CCDC178: variants seen among roughly 807,000 people sequenced by gnomAD.
CCDC178 encodes coiled-coil domain containing 178.
Under a neutral mutation model 117.4 loss-of-function variants are expected in CCDC178, and 126 were observed. The ratio of observed to expected loss-of-function variants is 1.07; its 90% CI spans 0.93 to 1.24. The LOEUF (loss-of-function observed/expected upper bound fraction) is 1.24, where lower values mean the gene tolerates loss of function less well. Ranked by LOEUF, CCDC178 falls within the 50% of genes most tolerant of loss-of-function variation. CCDC178 has a pLI of 0.00. For missense variants in CCDC178, 1,030 were observed against 986.9 expected, an observed-to-expected ratio of 1.04 and a Z score of -0.59; for synonymous variants, 283 against 313.4, an observed-to-expected ratio of 0.90 and a Z score of 1.02.
At chr18:33,349,528 TTAAAA>T (rs1208847804) in intron 7 of CCDC178, among the ~76,000 whole-genome samples, 15 of 152,068 alleles carry the variant, frequency 9.9e-5, no homozygotes, top group African/African-American at 3.6e-4. Context: ...TGACTATAAA[TTAAAA>T]TGTTATTTCC....
intron 20 of CCDC178, among the ~76,000 whole-genome samples, chr18:33,117,290 G>A (rs2057871069): frequency 6.6e-6 from 1 of 152,080 alleles, no homozygotes; most frequent in Non-Finnish European, 1.5e-5. Flanking sequence ...GCCTGGCATT[G>A]TCCAATGAGC....
chr18:33,109,588 A>C (rs539132523), intron 20 of CCDC178, among the ~76,000 whole-genome samples: 160 of 151,698 alleles, frequency 1.1e-3, no homozygotes, highest in African/African-American at 3.8e-3. Context: ...TAGCATCTAC[A>C]TGAAAATATA....
rs138554051 is a variant in CCDC178, at chr18:32,987,045, A to G, written c.2389-12364T>C. ...GAGAAAAAATAGAATAAGAAAAAAT[A>G]AACAAAAGTCTTCAATCAACTAAAA... On this transcript the variant is annotated intron_variant, in intron 21 of 22. Transcript: ENST00000383096. Among the ~76,000 whole-genome samples, 206 of 152,040 alleles carry G rather than the reference A, an allele frequency of 1.4e-3. 1 individual carries two copies. The highest frequency in any genetic ancestry group is 4.7e-3 in the African/African-American group (197 of 41,564).
At chr18:32,988,461 TA>T (rs1413867539) in intron 21 of CCDC178, among the ~76,000 whole-genome samples, 1 of 152,024 alleles carries the variant, frequency 6.6e-6, no homozygotes, top group Non-Finnish European at 1.5e-5. Context: ...AATAAATAGT[TA>T]ATTCTTTAAT....
chr18:33,145,530 T>G (rs2144316886), intron 20 of CCDC178, among the ~76,000 whole-genome samples: 1 of 152,312 alleles, frequency 6.6e-6, no homozygotes, highest in East Asian at 1.9e-4. Context: ...CCCAGAATTT[T>G]GCAAAATTTT....
intron 11 of CCDC178, among the ~76,000 whole-genome samples, chr18:33,296,991 T>G (rs970534660): frequency 1.3e-5 from 2 of 152,094 alleles, no homozygotes; most frequent in Non-Finnish European, 1.5e-5. Flanking sequence ...GTCACTGCAC[T>G]GCAGCCTAGG....
At chr18:33,292,415 C>A (rs1400243286) in intron 12 of CCDC178, among the ~76,000 whole-genome samples, 1 of 151,964 alleles carries the variant, frequency 6.6e-6, no homozygotes, top group Middle Eastern at 3.4e-3. Context: ...TAACTAGAGA[C>A]TAGGAAGGGT....
chr18:33,155,176 T>C (rs1263329849), intron 20 of CCDC178, among the ~76,000 whole-genome samples: 2 of 152,228 alleles, frequency 1.3e-5, no homozygotes, highest in East Asian at 1.9e-4. Flanking sequence ...CTGACCAACA[T>C]AGACTTCATT....
rs559361091 is a variant in CCDC178, at chr18:33,249,988, C to A, written c.1410-4560G>T. Reference sequence around the variant, plus strand: ...CTCCTTGAAGAGTTCCTTCACATCCCTTGTAAGTTGGATTCCTAGGTATTT... The same window carrying A: ...CTCCTTGAAGAGTTCCTTCACATCCATTGTAAGTTGGATTCCTAGGTATTT... On this transcript the variant is annotated intron_variant, in intron 14 of 22. Coordinates refer to ENST00000383096, the MANE Select transcript of CCDC178 (RefSeq NM_001105528.4). Among the ~76,000 whole-genome samples the A allele has an allele frequency of 2.6e-5, 4 of 152,002 alleles. No homozygotes were observed. In the South Asian group the frequency reaches 8.3e-4, roughly 32 times the overall value.
chr18:33,109,953 G>A lies in CCDC178; in HGVS notation c.2239-17043C>T, dbSNP rs1433172095. 2.0e-5 allele frequency among the ~76,000 whole-genome samples: 3 copies of A among 151,328 alleles called. No homozygotes were observed. The Admixed American group carries it at 2.0e-4, about 10-fold the overall frequency. ...TATTAACATATTTTGCTGCACATGTGCTCTAATTCCTGACATATGCATATG... is the reference window on the plus strand; with the variant it reads ...TATTAACATATTTTGCTGCACATGTACTCTAATTCCTGACATATGCATATG... On this transcript the variant is annotated intron_variant, in intron 20 of 22. Coordinates refer to ENST00000383096, the MANE Select transcript of CCDC178 (RefSeq NM_001105528.4).
At chr18:33,190,944 C>T (rs941682293) in intron 20 of CCDC178, among the ~76,000 whole-genome samples, 2 of 152,098 alleles carry the variant, frequency 1.3e-5, no homozygotes, top group African/African-American at 4.8e-5. Flanking sequence ...TACACTTTGC[C>T]CCTCCATCAG....
intron 20 of CCDC178, among the ~76,000 whole-genome samples, chr18:33,142,233 A>G (rs1410335711): frequency 1.3e-5 from 2 of 152,158 alleles, no homozygotes; most frequent in African/African-American, 4.8e-5. Flanking sequence ...GGTGTCTAAC[A>G]TGTCTTGCCT....
intron 21 of CCDC178, among the ~76,000 whole-genome samples, chr18:33,050,914 T>C (rs1259333248): frequency 1.3e-5 from 2 of 152,104 alleles, no homozygotes; most frequent in African/African-American, 2.4e-5. Context: ...ATCAATTTGT[T>C]TGTTTGTTTT....
chr18:33,359,859 C>T (rs1462233374), intron 6 of CCDC178, among the ~76,000 whole-genome samples: 2 of 151,242 alleles, frequency 1.3e-5, no homozygotes, highest in South Asian at 2.1e-4. Context: ...ACTTACAGCT[C>T]TAAGCCACAT....
chr18:33,431,191 C>CTTTTTTTTTTTTT (rs35139388), intron 2 of CCDC178, among the ~76,000 whole-genome samples: 1 of 117,252 alleles, frequency 8.5e-6, no homozygotes, highest in Admixed American at 9.1e-5. Flanking sequence ...AATGATTTAA[C>CTTTTTTTTTTTTT]TTTTTTTTTT....
intron 21 of CCDC178, among the ~76,000 whole-genome samples, chr18:33,054,041 T>C (rs2056787671): frequency 6.6e-6 from 1 of 152,100 alleles, no homozygotes; most frequent in Admixed American, 6.6e-5. Flanking sequence ...CAGAGCAAGG[T>C]GTCCAGTGCT....
intron 6 of CCDC178, among the ~76,000 whole-genome samples, 191 bp from the exon 7 acceptor site, chr18:33,356,537 C>A (rs2063059980): frequency 6.6e-6 from 1 of 151,728 alleles, no homozygotes; most frequent in South Asian, 2.1e-4. Context: ...GTAGGTCCCC[C>A]CAACTCTTGG....
chr18:33,203,925 C>T (rs938304501), intron 20 of CCDC178, among the ~76,000 whole-genome samples: 7 of 152,196 alleles, frequency 4.6e-5, no homozygotes, highest in South Asian at 4.1e-4. Context: ...CTCTATCCAA[C>T]GTGGATTTTC....
intron 14 of CCDC178, among the ~76,000 whole-genome samples, chr18:33,257,674 C>G (rs2059697232): frequency 6.6e-6 from 1 of 152,064 alleles, no homozygotes; most frequent in South Asian, 2.1e-4. Flanking sequence ...TTTTCATGTT[C>G]TCCATTGTCC....
Sources: allele counts gnomAD v4.1 joint callset (sites outside exome capture counted in the v4.1 genomes callset), GRCh38; gene constraint gnomAD v4.1.1; transcripts MANE v1.5; gene names NCBI Gene and HGNC (gene_info 2026-07-23, HGNC 2026-07-21).